The following MYOM2 variants were observed in gnomAD, a reference collection of about 807,000 sequenced individuals.
The protein encoded by MYOM2 is myomesin 2.
Under a neutral mutation model 187.6 loss-of-function variants are expected in MYOM2, and 254 were observed. That is an observed-to-expected ratio of 1.35 (90% CI 1.22 to 1.50). The LOEUF is 1.50. Ranked by LOEUF, MYOM2 falls within the 40% of genes most tolerant of loss-of-function variation. MYOM2 has a pLI of 0.00. For missense variants in MYOM2, 2,796 were observed against 1,924.0 expected (o/e 1.45, Z -8.48); for synonymous variants, 981 against 753.8 (o/e 1.30, Z -4.94).
rs994372237 is a variant in MYOM2, at chr8:2,115,942, C to T, written c.3181-18C>T. ...GATTTCCTTGTATAATTCTCCATTT[C>T]CCTTGTTTTGCTTGCAGATACACAG... On this transcript the variant is annotated intron_variant, in intron 25 of 36. Coordinates refer to ENST00000262113, the MANE Select transcript of MYOM2 (RefSeq NM_003970.4). The T allele has an allele frequency of 3.7e-6, 6 of 1,604,114 alleles. No individual in the cohort carries two copies. In the African/African-American group the frequency reaches 5.4e-5, roughly 14 times the overall value.
At chr8:2,095,647 C>T (rs1038150992) in intron 17 of MYOM2, among the ~76,000 whole-genome samples, 4 of 152,154 alleles carry the variant, frequency 2.6e-5, no homozygotes, top group African/African-American at 9.7e-5. Flanking sequence ...TCTCAGGTAA[C>T]AGAGGATGGC....
chr8:2,094,867 C>A (rs1001911761), intron 17 of MYOM2, among the ~76,000 whole-genome samples: 8 of 152,162 alleles, frequency 5.3e-5, no homozygotes, highest in African/African-American at 1.9e-4. Flanking sequence ...GATCCTAAAT[C>A]TCAGGGACCG....
chr8:2,079,427 C>A, intron 12 of MYOM2, 133 bp from the exon 13 acceptor site: 1 of 843,496 alleles, frequency 1.2e-6, no homozygotes, highest in Non-Finnish European at 2.0e-6. Context: ...AGAATCAGCT[C>A]TGATGCCCCC....
At chr8:2,081,470 C>A (rs1819625454) in intron 13 of MYOM2, among the ~76,000 whole-genome samples, 1 of 152,222 alleles carries the variant, frequency 6.6e-6, no homozygotes, top group African/African-American at 2.4e-5. Flanking sequence ...CCTTCTCACT[C>A]CTCACGAGCA....
intron 3 of MYOM2, among the ~76,000 whole-genome samples, chr8:2,055,198 C>G (rs527459328): frequency 1.3e-5 from 2 of 152,200 alleles, no homozygotes; most frequent in African/African-American, 4.8e-5. Context: ...GGGCATTTTC[C>G]CGCTTTGTTG....
intron 6 of MYOM2, among the ~76,000 whole-genome samples, chr8:2,066,674 A>T (rs562929143): frequency 1.1e-4 from 17 of 152,378 alleles, no homozygotes; most frequent in Admixed American, 8.5e-4. Flanking sequence ...TCTGAGAGGC[A>T]GCAGCACAAT....
chr8:2,098,958 T>C lies in MYOM2; in HGVS notation c.2415T>C (p.Cys805=), dbSNP rs1796591955. The change falls in exon 19 of 37, where the codon TGT becomes TGC. Residue 805 remains cysteine (C), a synonymous_variant. Transcript: ENST00000262113. ...EPSDPSEHFK[C]EAWTMPEPGP... ...CAGATCCCAGTGAGCACTTCAAGTGTGAGGCCTGGACCATGCCGGAGCCCG... is the reference window on the plus strand; with the variant it reads ...CAGATCCCAGTGAGCACTTCAAGTGCGAGGCCTGGACCATGCCGGAGCCCG... 1 of 1,612,950 alleles carries C rather than the reference T, an allele frequency of 6.2e-7. No homozygotes were observed. The highest frequency in any genetic ancestry group is 8.5e-7 in the Non-Finnish European group (1 of 1,179,524).
intron 14 of MYOM2, among the ~76,000 whole-genome samples, chr8:2,089,436 A>G (rs547251680): frequency 6.6e-6 from 1 of 152,330 alleles, no homozygotes; most frequent in East Asian, 1.9e-4. Context: ...TGCATTCTGT[A>G]TTAGATTTCA....
At chr8:2,134,172 G>A (rs796237921) in intron 32 of MYOM2, among the ~76,000 whole-genome samples, 7 of 152,216 alleles carry the variant, frequency 4.6e-5, no homozygotes, top group African/African-American at 1.7e-4. Context: ...GCATGTTCCT[G>A]TGTTGAATCT....
At chr8:2,060,747 CGTTT>C (rs1563420304) in intron 6 of MYOM2, among the ~76,000 whole-genome samples, 1 of 39,302 alleles carries the variant, frequency 2.5e-5, no homozygotes, top group Non-Finnish European at 5.2e-5. Context: ...TTGCTCTGTT[CGTTT>C]GTTTGTTTTT....
intron 28 of MYOM2, among the ~76,000 whole-genome samples, chr8:2,119,609 G>A (rs1797359345): frequency 6.6e-6 from 1 of 152,182 alleles, no homozygotes; most frequent in Admixed American, 6.5e-5. Context: ...GGGGATACGA[G>A]CAGGAGCCCG....
In MYOM2 at chr8:2,145,076, G is replaced by A; in HGVS notation, c.*95G>A. 2 of 1,354,172 alleles carry A rather than the reference G, an allele frequency of 1.5e-6. No homozygotes were observed. Among genetic ancestry groups the A allele is most frequent in the Non-Finnish European group, 2.0e-6 (2 of 980,088 alleles). The allele number at this position is 1,354,172 out of a possible 1,614,324, so 83.9% of individuals were successfully genotyped here. A position where few individuals can be genotyped will look rare whatever the true frequency, so the allele number is the denominator to read the frequency against. ...AATGAGCAGCTGGCATCCGAGTGGTGTCCTGTGTGGGCTGATAGTTGATCA... is the reference window on the plus strand; with the variant it reads ...AATGAGCAGCTGGCATCCGAGTGGTATCCTGTGTGGGCTGATAGTTGATCA... On this transcript the variant is annotated 3_prime_UTR_variant, in exon 37 of 37. Coordinates refer to ENST00000262113, the MANE Select transcript of MYOM2 (RefSeq NM_003970.4).
intron 30 of MYOM2, 73 bp downstream of exon 30, chr8:2,123,715 C>A: frequency 7.6e-7 from 1 of 1,310,686 alleles, no homozygotes; most frequent in Non-Finnish European, 1.1e-6. Flanking sequence ...ATTCTGAAGG[C>A]AGGTCTATGT....
rs746091086 is a variant in MYOM2, at chr8:2,057,456, C to G, written c.372C>G (p.Asp124Glu). 1 of 1,614,078 alleles carries G rather than the reference C, an allele frequency of 6.2e-7. No homozygotes were observed. Among genetic ancestry groups the G allele is most frequent in the Non-Finnish European group, 8.5e-7 (1 of 1,179,984 alleles). Residue 124 changes from aspartate to glutamate, a missense_variant, in exon 4 of 37, where the codon GAC becomes GAG. By Grantham distance (45) the Asp-to-Glu change is conservative. Transcript: ENST00000262113. ...DVHLARSQAR[D>E]KLDKYAIQQM... is the part of the protein sequence containing the mutation. ...ACCTGGCACGCTCCCAGGCCCGCGA[C>G]AAGCTGGACAAATACGCCATTCAGC... is the stretch of plus-strand genomic sequence containing the variant.
chr8:2,087,177 A>C (rs1796122045), intron 14 of MYOM2, among the ~76,000 whole-genome samples: 1 of 152,238 alleles, frequency 6.6e-6, no homozygotes, highest in African/African-American at 2.4e-5. Flanking sequence ...AATGTCCTAC[A>C]AAGGCTGTAA....
At chr8:2,139,745 C>G (rs976362759) in intron 32 of MYOM2, among the ~76,000 whole-genome samples, 1 of 152,150 alleles carries the variant, frequency 6.6e-6, no homozygotes, top group Non-Finnish European at 1.5e-5. Context: ...GTGACTATGA[C>G]TTCCACAGAT....
In MYOM2 at chr8:2,108,788, C is replaced by T. The variant is rs372857655; in HGVS notation, c.3001C>T (p.Leu1001Phe). Residue 1001 changes from leucine to phenylalanine, a missense_variant and splice_region_variant, in exon 24 of 37, where the codon CTC becomes TTC. Physicochemically the swap from Leu to Phe is conservative, Grantham distance 22. Transcript: ENST00000262113. ...GAAATACTTTTTCTTCGTTTTAGAGCTCGAGCGTTTGATGGCATTGAGCAA... is the reference window on the plus strand; with the variant it reads ...GAAATACTTTTTCTTCGTTTTAGAGTTCGAGCGTTTGATGGCATTGAGCAA... ...SSSFVLDPEE[L>F]ERLMALSNEI... is the part of the protein sequence containing the mutation. The T allele has an allele frequency of 3.1e-6, 5 of 1,613,834 alleles. No homozygotes were observed. The highest frequency in any genetic ancestry group is 4.2e-6 in the Non-Finnish European group (5 of 1,179,936).
In MYOM2 at chr8:2,073,447, G is replaced by T. The variant is rs750971643; in HGVS notation, c.1067G>T (p.Arg356Leu). 2.9e-5 allele frequency: 47 copies of T among 1,611,694 alleles called. No individual in the cohort carries two copies. Among genetic ancestry groups the T allele is most frequent in the Non-Finnish European group, 3.8e-5 (45 of 1,179,630 alleles). Residue 356 changes from arginine (R) to leucine (L), a missense_variant, in exon 10 of 37, where the codon CGC becomes CTC. Transcript: ENST00000262113. ...GACGACGAGGGCCTGTACACCCTGC[G>T]CATCGTGTCTCGGGGCGGCGTCAGC... ...HKDDEGLYTL[R>L]IVSRGGVSDH...
intron 6 of MYOM2, among the ~76,000 whole-genome samples, chr8:2,061,921 G>A (rs1333226070): frequency 6.6e-6 from 1 of 152,190 alleles, no homozygotes; most frequent in Non-Finnish European, 1.5e-5. Context: ...CCACTCTCTG[G>A]CATCAGGAGG....
Sources: allele counts gnomAD v4.1 joint callset (sites outside exome capture counted in the v4.1 genomes callset), GRCh38; gene constraint gnomAD v4.1.1; transcripts MANE v1.5; gene names NCBI Gene and HGNC (gene_info 2026-07-23, HGNC 2026-07-21).